CCDC171: variants seen among roughly 807,000 people sequenced by gnomAD.
CCDC171 encodes coiled-coil domain-containing protein 171.
Under a neutral mutation model 168.2 loss-of-function variants are expected in CCDC171, and 177 were observed. The ratio of observed to expected loss-of-function variants is 1.05; its 90% CI spans 0.93 to 1.19. CCDC171 has a LOEUF of 1.19. Among genes scored for constraint, CCDC171 ranks in the 50% most tolerant of loss-of-function variants. CCDC171 has a pLI of 0.00. For synonymous variants in CCDC171, 687 were observed against 540.8 expected (o/e 1.27, Z -3.75); for missense variants, 1,991 against 1,539.0 (o/e 1.29, Z -4.91).
intron 25 of CCDC171, among the ~76,000 whole-genome samples, chr9:15,947,770 A>T (rs1828590953): frequency 1.3e-5 from 2 of 150,920 alleles, no homozygotes; most frequent in Admixed American, 6.6e-5. Flanking sequence ...TTTTTTTCCC[A>T]GTGGTTCATA....
chr9:15,875,059 T>C (rs1422082586), intron 24 of CCDC171: 1 of 152,592 alleles, frequency 6.6e-6, no homozygotes. Context: ...TAAATCACTT[T>C]AGTTGTAAAC....
At chr9:15,670,223 T>G (rs1481824726) in intron 9 of CCDC171, among the ~76,000 whole-genome samples, 1 of 152,146 alleles carries the variant, frequency 6.6e-6, no homozygotes, top group African/African-American at 2.4e-5. Flanking sequence ...TTCCCCCATT[T>G]CAGTGGACAC....
At chr9:15,881,422 A>C (rs1169333988) in intron 24 of CCDC171, among the ~76,000 whole-genome samples, 1 of 152,212 alleles carries the variant, frequency 6.6e-6, no homozygotes, top group African/African-American at 2.4e-5. Context: ...GTAAAGTTCA[A>C]ATCAGTGTGC....
chr9:15,597,483 C>T (rs1388850738), intron 6 of CCDC171, among the ~76,000 whole-genome samples: 5 of 152,044 alleles, frequency 3.3e-5, no homozygotes, highest in South Asian at 2.1e-4. Flanking sequence ...CCTTGCATTC[C>T]GGGGATGAAG....
chr9:16,069,977 C>A, the CCDC171 span, among the ~76,000 whole-genome samples: 1 of 152,168 alleles, frequency 6.6e-6, no homozygotes, highest in Non-Finnish European at 1.5e-5. Context: ...TGTCCGTCTG[C>A]CAGACTCTCC....
intron 9 of CCDC171, among the ~76,000 whole-genome samples, chr9:15,673,481 G>C (rs1242559937): frequency 3.3e-5 from 5 of 152,060 alleles, no homozygotes; most frequent in Non-Finnish European, 7.4e-5. Flanking sequence ...ATTGGCTGTG[G>C]GTTTGTCATA....
At chr9:15,628,601 G>T (rs1246045150) in intron 7 of CCDC171, among the ~76,000 whole-genome samples, 1 of 152,222 alleles carries the variant, frequency 6.6e-6, no homozygotes, top group Non-Finnish European at 1.5e-5. Context: ...ATGGGGGCAG[G>T]GCACAGACAA....
At chr9:15,589,037 G>GC (rs1312836291) in intron 4 of CCDC171, among the ~76,000 whole-genome samples, 2 of 151,624 alleles carry the variant, frequency 1.3e-5, no homozygotes, top group African/African-American at 4.8e-5. Context: ...CTATGTTGTT[G>GC]CCCCACAGAA....
At chr9:15,677,373 G>C (rs1384782498) in intron 9 of CCDC171, among the ~76,000 whole-genome samples, 3 of 152,056 alleles carry the variant, frequency 2.0e-5, no homozygotes. Flanking sequence ...GTTAACACTA[G>C]AATTGTCTGT....
At chr9:15,874,700 T>A in intron 24 of CCDC171, 37 bp downstream of exon 24, 5 of 1,476,910 alleles carry the variant, frequency 3.4e-6, no homozygotes, top group Non-Finnish European at 4.5e-6. Flanking sequence ...TACTGAGACA[T>A]ATAGAAAAAT....
chr9:16,105,973 G>A, the CCDC171 span, among the ~76,000 whole-genome samples: 5 of 152,176 alleles, frequency 3.3e-5, no homozygotes, highest in African/African-American at 4.8e-5. Context: ...TTGCATTAAC[G>A]ACCTGCTTTC....
chr9:15,562,254 T>G (rs201825937), intron 1 of CCDC171, among the ~76,000 whole-genome samples: 3 of 151,982 alleles, frequency 2.0e-5, no homozygotes, highest in Non-Finnish European at 4.4e-5. Flanking sequence ...TCGGCCTCCC[T>G]AAGTGCTGGG....
At chr9:15,607,219 A>AGT (rs1313693442) in intron 6 of CCDC171, among the ~76,000 whole-genome samples, 3 of 152,236 alleles carry the variant, frequency 2.0e-5, no homozygotes, top group Non-Finnish European at 4.4e-5. Flanking sequence ...AGATCATGTT[A>AGT]GTGTGTGTTA....
chr9:15,933,929 T>C (rs1826809085), intron 25 of CCDC171, among the ~76,000 whole-genome samples: 1 of 151,948 alleles, frequency 6.6e-6, no homozygotes, highest in Non-Finnish European at 1.5e-5. Context: ...AATAATAAAT[T>C]GGGCTTCTTC....
intron 8 of CCDC171, among the ~76,000 whole-genome samples, chr9:16,036,795 C>T (rs905980548): frequency 3.9e-5 from 6 of 152,196 alleles, no homozygotes; most frequent in African/African-American, 1.4e-4. Context: ...CTAGGAATAT[C>T]TGAGATGAGA....
intron 3 of CCDC171, among the ~76,000 whole-genome samples, chr9:15,982,324 C>G (rs1284831084): frequency 6.6e-6 from 1 of 152,146 alleles, no homozygotes; most frequent in African/African-American, 2.4e-5. Flanking sequence ...GCTGTGTGTC[C>G]TTAGGCAAGT....
chr9:15,955,319 G>C (rs1214592221), intron 25 of CCDC171, among the ~76,000 whole-genome samples: 3 of 152,146 alleles, frequency 2.0e-5, no homozygotes, highest in Non-Finnish European at 4.4e-5. Flanking sequence ...AAGGATGCTG[G>C]CCCTTTAAAT....
At chr9:15,788,581 T>C (rs929550787) in intron 21 of CCDC171, among the ~76,000 whole-genome samples, 4 of 151,306 alleles carry the variant, frequency 2.6e-5, no homozygotes, top group Non-Finnish European at 5.9e-5. Flanking sequence ...TTAAATCATA[T>C]GTTTTTGTTT....
chr9:15,796,046 G>A (rs1454631348), intron 21 of CCDC171, among the ~76,000 whole-genome samples: 1 of 151,930 alleles, frequency 6.6e-6, no homozygotes, highest in African/African-American at 2.4e-5. Context: ...ACACAAAAAT[G>A]AATTACACAT....
Sources: gnomAD v4.1 joint callset for allele counts (sites outside exome capture counted in the v4.1 genomes callset) on GRCh38, gnomAD v4.1.1 for gene constraint, MANE v1.5 for transcripts, NCBI Gene and HGNC (gene_info 2026-07-23, HGNC 2026-07-21) for gene names.